The following PPM1A variants were observed in gnomAD, a reference collection of about 807,000 sequenced individuals.
PPM1A encodes protein phosphatase, Mg2+/Mn2+ dependent 1A.
Under a neutral mutation model 35.0 loss-of-function variants are expected in PPM1A, and 7 were observed. The ratio of observed to expected loss-of-function variants is 0.20; its 90% CI spans 0.11 to 0.38. The LOEUF (loss-of-function observed/expected upper bound fraction) is 0.38, where lower values mean the gene tolerates loss of function less well. Ranked by LOEUF, PPM1A falls within the 10% of genes least tolerant of loss-of-function variation. PPM1A has a pLI of 1.00. For synonymous variants in PPM1A, 153 were observed against 167.3 expected (o/e 0.91, Z 0.66); for missense variants, 239 against 467.8 (o/e 0.51, Z 4.51).
At chr14:60,275,514 T>A (rs1885646147) in intron 1 of PPM1A, among the ~76,000 whole-genome samples, 1 of 152,020 alleles carries the variant, frequency 6.6e-6, no homozygotes, top group Admixed American at 6.6e-5. Context: ...AGAGACAGAG[T>A]CTTACTCTAT....
In PPM1A at chr14:60,292,801, T is replaced by G; in HGVS notation, c.*319T>G. 4.3e-6 allele frequency: 1 copy of G among 233,992 alleles called. No individual in the cohort carries two copies. Among genetic ancestry groups the G allele is most frequent in the South Asian group, 1.2e-4 (1 of 8,352 alleles). The allele number at this position is 233,992 out of a possible 1,614,324, so 14.5% of individuals were successfully genotyped here. A position where few individuals can be genotyped will look rare whatever the true frequency, so the allele number is the denominator to read the frequency against. ...CTTGTACAAAATGCTCATATTTAAT[T>G]ATGAACTGCTTTAAATCACTATCAA... On this transcript the variant is annotated 3_prime_UTR_variant, in exon 6 of 6. Transcript: ENST00000395076. This position sits in a 1 kb window ranked among gnomAD's most constrained non-coding sequence, Gnocchi z 4.2.
chr14:60,248,104 G>T (rs1453345234), upstream of PPM1A, among the ~76,000 whole-genome samples: 1 of 152,204 alleles, frequency 6.6e-6, no homozygotes, highest in Non-Finnish European at 1.5e-5. Flanking sequence ...TGCTGGTGAT[G>T]TACTGCTCCT....
At chr14:60,255,816 C>A (rs1883061072) in intron 1 of PPM1A, among the ~76,000 whole-genome samples, 1 of 152,226 alleles carries the variant, frequency 6.6e-6, no homozygotes, top group South Asian at 2.1e-4. Context: ...ACTAGGTTGA[C>A]TGATCCTGGA....
intron 1 of PPM1A, among the ~76,000 whole-genome samples, chr14:60,250,934 C>T (rs1226038087): frequency 6.6e-6 from 1 of 152,142 alleles, no homozygotes; most frequent in Admixed American, 6.5e-5. Flanking sequence ...GGGCCTTTTC[C>T]AAAGATTGTA....
At chr14:60,285,946 G>C in intron 3 of PPM1A, 4 of 1,265,690 alleles carry the variant, frequency 3.2e-6, no homozygotes, top group Non-Finnish European at 4.0e-6. Flanking sequence ...CAACTAGTGT[G>C]GAAAGTAACC....
rs1278437346 is a variant in PPM1A at position 60,284,693 on chromosome 14, A to ATGTG, written c.835-930_835-929insGTGT. On this transcript the variant is annotated intron_variant, in intron 2 of 5. Coordinates refer to ENST00000395076, the MANE Select transcript of PPM1A (RefSeq NM_021003.5). Reference sequence around the variant, plus strand: ...AATTAATGAGCGTATGTATATATATATATATGTGTGTGTGTATATATATAT... The same window carrying ATGTG: ...AATTAATGAGCGTATGTATATATATATGTGTATATGTGTGTGTGTATATATATAT... Among the ~76,000 whole-genome samples, 789 of 122,956 alleles carry ATGTG rather than the reference A, an allele frequency of 6.4e-3. 16 individuals carry two copies. The highest frequency in any genetic ancestry group is 0.033 in the African/African-American group (740 of 22,554). The allele number at this position is 122,956 out of a possible 152,430, so 80.7% of individuals were successfully genotyped here. A position where few individuals can be genotyped will look rare whatever the true frequency, so the allele number is the denominator to read the frequency against.
At chr14:60,287,083 G>A in intron 3 of PPM1A, 7 of 948,124 alleles carry the variant, frequency 7.4e-6, no homozygotes, top group Non-Finnish European at 8.8e-6. Flanking sequence ...CTTTAACTTG[G>A]GCAGACATGT....
At chr14:60,253,188 G>T (rs1391393498) in intron 1 of PPM1A, among the ~76,000 whole-genome samples, 1 of 152,090 alleles carries the variant, frequency 6.6e-6, no homozygotes, top group Non-Finnish European at 1.5e-5. Flanking sequence ...CATTGACCAA[G>T]TGTATGTAGT....
upstream of PPM1A, among the ~76,000 whole-genome samples, chr14:60,248,331 ATTGGAGGTCG>A (rs1487884663): frequency 6.6e-6 from 1 of 152,176 alleles, no homozygotes; most frequent in Non-Finnish European, 1.5e-5. Flanking sequence ...AACCTACCTC[ATTGGAGGTCG>A]TTGGAGGTCC....
chr14:60,255,313 A>G (rs1017105049), intron 1 of PPM1A, among the ~76,000 whole-genome samples: 2 of 150,412 alleles, frequency 1.3e-5, no homozygotes, highest in Non-Finnish European at 3.0e-5. Context: ...CTGGGACTAC[A>G]GGCGCCCGCT....
At position 60,296,778 on chromosome 14, in the gene PPM1A, T is replaced by C. The variant is rs1888091651; in HGVS notation, c.*4296T>C. Reference sequence around the variant, plus strand: ...ATAATAAGTCTCAGTTAAATGTTTGTTATTACTGATAGTCAAAATGCTCAA... The same window carrying C: ...ATAATAAGTCTCAGTTAAATGTTTGCTATTACTGATAGTCAAAATGCTCAA... On this transcript the variant is annotated 3_prime_UTR_variant, in exon 6 of 6. Coordinates refer to ENST00000395076, the MANE Select transcript of PPM1A (RefSeq NM_021003.5). The surrounding 1 kb of genome is among the most constrained non-coding windows in gnomAD (Gnocchi z 4.4). 6 of 336,276 alleles carry C rather than the reference T, an allele frequency of 1.8e-5. 1 individual carries two copies. In the Admixed American group the frequency reaches 3.0e-4, roughly 17 times the overall value. 20.8% of individuals were successfully genotyped at this position (336,276 alleles called of 1,614,324 possible).
intron 1 of PPM1A, among the ~76,000 whole-genome samples, chr14:60,268,074 G>A (rs774370901): frequency 6.6e-6 from 1 of 151,990 alleles, no homozygotes; most frequent in Non-Finnish European, 1.5e-5. Flanking sequence ...GATTTTATCA[G>A]TTGTCCCAGT....
chr14:60,285,856 G>A (rs1886954433), intron 3 of PPM1A, 115 bp downstream of exon 3: 3 of 1,464,604 alleles, frequency 2.0e-6, no homozygotes, highest in South Asian at 2.9e-5. Context: ...AGTGTCTAGT[G>A]TATGAAAGTG....
At position 60,249,505 on chromosome 14, in the gene PPM1A, G is replaced by T. The variant is rs1882055484; in HGVS notation, c.-193G>T. ...GAGGGCGCCGACAGCCGGGGGCCCGGACGCAGCCCGGCTCCTCCCCTCCTC... is the reference window on the plus strand; with the variant it reads ...GAGGGCGCCGACAGCCGGGGGCCCGTACGCAGCCCGGCTCCTCCCCTCCTC... On this transcript the variant is annotated 5_prime_UTR_variant, in exon 1 of 6. Transcript: ENST00000395076. The surrounding 1 kb of genome is among the most constrained non-coding windows in gnomAD (Gnocchi z 4.5). 1 of 985,162 alleles carries T rather than the reference G, an allele frequency of 1.0e-6. No homozygotes were observed. Among genetic ancestry groups the T allele is most frequent in the South Asian group, 4.6e-5 (1 of 21,684 alleles). The allele number at this position is 985,162 out of a possible 1,614,324, so 61.0% of individuals were successfully genotyped here.
At chr14:60,274,617 G>T (rs1020889706) in intron 1 of PPM1A, among the ~76,000 whole-genome samples, 2 of 139,736 alleles carry the variant, frequency 1.4e-5, no homozygotes, top group African/African-American at 5.6e-5. Context: ...AGAGGACAGA[G>T]TCCTATTACA....
chr14:60,298,367 T>G lies in PPM1A; in HGVS notation c.*5885T>G, dbSNP rs1425668752. On this transcript the variant is annotated 3_prime_UTR_variant, in exon 6 of 6. Coordinates refer to ENST00000395076, the MANE Select transcript of PPM1A (RefSeq NM_021003.5). ...TTCATATTCTAAGGAATTAGGTTAT[T>G]TACTTACTAATTCAGGATGTTAAAA... is the stretch of plus-strand genomic sequence containing the variant. The G allele has an allele frequency of 6.6e-6, 1 of 151,798 alleles. No individual in the cohort carries two copies. Among genetic ancestry groups the G allele is most frequent in the Non-Finnish European group, 1.5e-5 (1 of 67,730 alleles). The allele number at this position is 151,798 out of a possible 1,614,324, so 9.4% of individuals were successfully genotyped here.
At chr14:60,276,977 A>G (rs1019574506) in intron 1 of PPM1A, 1 of 982,548 alleles carries the variant, frequency 1.0e-6, no homozygotes, top group African/African-American at 1.7e-5. Context: ...TATATCAAAT[A>G]TTAATTCAGT....
chr14:60,268,064 G>C (rs913838807), intron 1 of PPM1A, among the ~76,000 whole-genome samples: 19 of 152,008 alleles, frequency 1.2e-4, no homozygotes, highest in African/African-American at 4.3e-4. Flanking sequence ...TCCATAGTCA[G>C]ATTTTATCAG....
At chr14:60,265,725 AG>A (rs1265521010) in intron 1 of PPM1A, among the ~76,000 whole-genome samples, 1 of 152,120 alleles carries the variant, frequency 6.6e-6, no homozygotes. Context: ...GCGTCTGGTG[AG>A]GGCCTTCTTG....
Sources: allele counts gnomAD v4.1 joint callset (sites outside exome capture counted in the v4.1 genomes callset), GRCh38; gene constraint gnomAD v4.1.1; non-coding constraint Gnocchi (gnomAD v3.1); transcripts MANE v1.5; gene names NCBI Gene and HGNC (gene_info 2026-07-23, HGNC 2026-07-21).